RGS7BP: variants seen among roughly 807,000 people sequenced by gnomAD.
RGS7BP encodes the protein regulator of G protein signaling 7-binding protein.
RGS7BP carries 9 observed loss-of-function variants against 31.3 expected under a neutral mutation model. The ratio of observed to expected loss-of-function variants is 0.29; its 90% CI spans 0.17 to 0.50. The LOEUF is 0.50. Ranked by LOEUF, RGS7BP falls within the 20% of genes least tolerant of loss-of-function variation. The probability of loss-of-function intolerance (pLI) is 0.98; values close to 1 mark genes in which losing one functional copy is unlikely to be tolerated. For missense variants in RGS7BP, 274 were observed against 322.0 expected (o/e 0.85, Z 1.14); for synonymous variants, 115 against 120.1 (o/e 0.96, Z 0.28).
chr5:64,601,683 T>A (rs1263240592), intron 5 of RGS7BP, among the ~76,000 whole-genome samples: 1 of 152,188 alleles, frequency 6.6e-6, no homozygotes, highest in Non-Finnish European at 1.5e-5. Context: ...CCTCCTGTCC[T>A]ACATTCTAGG....
intron 1 of RGS7BP, among the ~76,000 whole-genome samples, chr5:64,507,171 G>A (rs76271123): frequency 2.0e-5 from 3 of 152,216 alleles, no homozygotes; most frequent in African/African-American, 7.2e-5. Flanking sequence ...TACAGCGCAC[G>A]GGGCGCTGCG....
At chr5:64,558,610 G>T (rs1741979716) in intron 2 of RGS7BP, among the ~76,000 whole-genome samples, 1 of 151,982 alleles carries the variant, frequency 6.6e-6, no homozygotes, top group Non-Finnish European at 1.5e-5. Context: ...TGGGCACCTT[G>T]AAAAAAGAAC....
chr5:64,573,187 A>G (rs1177960078), intron 2 of RGS7BP, among the ~76,000 whole-genome samples: 2 of 151,658 alleles, frequency 1.3e-5, no homozygotes, highest in Non-Finnish European at 2.9e-5. Context: ...CATGGTGTTT[A>G]TGAGCCACAT....
At chr5:64,528,641 G>A (rs272640) in intron 2 of RGS7BP, among the ~76,000 whole-genome samples, 95,444 of 151,328 alleles carry the variant, frequency 0.63, 30,484 homozygotes, top group East Asian at 0.95. Flanking sequence ...GTGAAACCCC[G>A]TCTTTACTAA....
chr5:64,566,870 A>T (rs1452757069), intron 2 of RGS7BP, among the ~76,000 whole-genome samples: 3 of 151,842 alleles, frequency 2.0e-5, no homozygotes, highest in Non-Finnish European at 2.9e-5. Context: ...GAGTCTAAAA[A>T]CTGGGATTTC....
At chr5:64,568,964 A>T (rs192463345) in intron 2 of RGS7BP, among the ~76,000 whole-genome samples, 1 of 152,150 alleles carries the variant, frequency 6.6e-6, no homozygotes, top group Admixed American at 6.6e-5. Context: ...CAACACGGAG[A>T]TGGTCACCGG....
chr5:64,589,029 C>A (rs1742836967), intron 3 of RGS7BP, among the ~76,000 whole-genome samples: 1 of 152,032 alleles, frequency 6.6e-6, no homozygotes, highest in Non-Finnish European at 1.5e-5. Flanking sequence ...GGTACGGTGG[C>A]TCATGCATGT....
chr5:64,533,975 A>T (rs1749439989), intron 2 of RGS7BP, among the ~76,000 whole-genome samples: 1 of 152,256 alleles, frequency 6.6e-6, no homozygotes, highest in African/African-American at 2.4e-5. Context: ...CAAATAAATA[A>T]ACAAGATTAT....
At chr5:64,544,841 G>A (rs1741612616) in intron 2 of RGS7BP, among the ~76,000 whole-genome samples, 1 of 152,120 alleles carries the variant, frequency 6.6e-6, no homozygotes, top group African/African-American at 2.4e-5. Flanking sequence ...AAATGACTAG[G>A]CTGAAGAGGT....
At chr5:64,550,486 C>T (rs892215301) in intron 2 of RGS7BP, among the ~76,000 whole-genome samples, 1 of 150,302 alleles carries the variant, frequency 6.7e-6, no homozygotes, top group African/African-American at 2.5e-5. Flanking sequence ...ACCATCATCA[C>T]ATTGACAGTT....
At chr5:64,538,439 T>A (rs548859670) in intron 2 of RGS7BP, among the ~76,000 whole-genome samples, 1 of 151,994 alleles carries the variant, frequency 6.6e-6, no homozygotes, top group South Asian at 2.1e-4. Flanking sequence ...GCCTTTGTTT[T>A]GTCTTTGTCA....
chr5:64,550,797 T>A (rs1042324463), intron 2 of RGS7BP, among the ~76,000 whole-genome samples: 3 of 147,262 alleles, frequency 2.0e-5, no homozygotes, highest in Non-Finnish European at 3.0e-5. Context: ...GTTCTCATTG[T>A]TCAATTCCCA....
At chr5:64,609,018 C>A in intron 5 of RGS7BP, 143 bp from the exon 6 acceptor site, 1 of 648,878 alleles carries the variant, frequency 1.5e-6, no homozygotes, top group South Asian at 1.8e-5. Context: ...ACCCCACAAC[C>A]AAGAATCATC....
At chr5:64,589,704 T>C (rs988778008) in intron 3 of RGS7BP, among the ~76,000 whole-genome samples, 1 of 151,820 alleles carries the variant, frequency 6.6e-6, no homozygotes, top group Non-Finnish European at 1.5e-5. Context: ...GAGGCTGAGG[T>C]GGGAGAACTG....
chr5:64,538,443 T>G (rs909106725), intron 2 of RGS7BP, among the ~76,000 whole-genome samples: 7 of 151,790 alleles, frequency 4.6e-5, no homozygotes, highest in African/African-American at 1.5e-4. Context: ...TTGTTTTGTC[T>G]TTGTCAAAAT....
chr5:64,601,423 A>G lies in RGS7BP; in HGVS notation c.682+2988A>G. The G allele has an allele frequency of 7.1e-6, 7 of 982,220 alleles. No individual in the cohort carries two copies. In the South Asian group the frequency reaches 2.8e-4, roughly 40 times the overall value. The allele number at this position is 982,220 out of a possible 1,614,324, so 60.8% of individuals were successfully genotyped here. On this transcript the variant is annotated intron_variant, in intron 5 of 5. Coordinates refer to ENST00000334025, the MANE Select transcript of RGS7BP (RefSeq NM_001029875.3). ...ACTACAGTCAAAACTCGGCTCCACA[A>G]TGGTTTACTTTAAATCAACTTTCAG...
intron 3 of RGS7BP, among the ~76,000 whole-genome samples, chr5:64,589,777 A>T (rs1016987680): frequency 2.6e-5 from 4 of 151,972 alleles, no homozygotes; most frequent in Non-Finnish European, 5.9e-5. Context: ...AATAAAAACA[A>T]ATTAGCCAGG....
At chr5:64,606,894 T>C (rs773477781) in intron 5 of RGS7BP, among the ~76,000 whole-genome samples, 3 of 152,108 alleles carry the variant, frequency 2.0e-5, no homozygotes, top group Admixed American at 6.6e-5. Flanking sequence ...TTTTTCACTA[T>C]GGAAAGGACA....
intron 5 of RGS7BP, among the ~76,000 whole-genome samples, chr5:64,607,836 A>C (rs146437929): frequency 6.6e-6 from 1 of 151,044 alleles, no homozygotes; most frequent in East Asian, 2.0e-4. Context: ...TTTGGAATGC[A>C]GTTGGCTGAG....
Sources: gnomAD v4.1 joint callset for allele counts (sites outside exome capture counted in the v4.1 genomes callset) on GRCh38, gnomAD v4.1.1 for gene constraint, MANE v1.5 for transcripts, NCBI Gene and HGNC (gene_info 2026-07-23, HGNC 2026-07-21) for gene names.